Variants in CNTN4 observed in about 807,000 individuals in gnomAD.
CNTN4 encodes the protein contactin-4.
Under a neutral mutation model 122.5 loss-of-function variants are expected in CNTN4, and 77 were observed. The ratio of observed to expected loss-of-function variants is 0.63; its 90% CI spans 0.52 to 0.76. The LOEUF (loss-of-function observed/expected upper bound fraction) is 0.76, where lower values mean the gene tolerates loss of function less well. CNTN4 is among the 30% of genes least tolerant of loss of function. The pLI is 0.00. For missense variants in CNTN4, 1,256 were observed against 1,259.1 expected (o/e 1.00, Z 0.04); for synonymous variants, 512 against 447.0 (o/e 1.15, Z -1.83).
At chr3:2,882,942 T>C (rs17021682) in intron 8 of CNTN4, 3 of 519,468 alleles carry the variant, frequency 5.8e-6, no homozygotes, top group African/African-American at 1.9e-5. Context: ...ATGGTGTGGT[T>C]CTGCGACACA....
chr3:2,797,386 T>C (rs1473557818), intron 6 of CNTN4, among the ~76,000 whole-genome samples: 1 of 152,134 alleles, frequency 6.6e-6, no homozygotes, highest in Non-Finnish European at 1.5e-5. Flanking sequence ...ATTACCTAGG[T>C]CAGGAGTTCG....
rs1284677097 is a variant in CNTN4 at position 2,841,663 on chromosome 3, T to C, written c.454+22082T>C. Reference sequence around the variant, plus strand: ...TGTGGGTCAGAGGCTCTTTGTTATATGGTAGAAGTATAGTCCGTAAGGAAT... The same window carrying C: ...TGTGGGTCAGAGGCTCTTTGTTATACGGTAGAAGTATAGTCCGTAAGGAAT... On this transcript the variant is annotated intron_variant, in intron 7 of 24. Coordinates refer to ENST00000418658, the MANE Select transcript of CNTN4 (RefSeq NM_175607.3). The surrounding 1 kb of genome is among the most constrained non-coding windows in gnomAD (Gnocchi z 4.8). 6.6e-6 allele frequency among the ~76,000 whole-genome samples: 1 copy of C among 152,212 alleles called. No homozygotes were observed. The highest frequency in any genetic ancestry group is 1.5e-5 in the Non-Finnish European group (1 of 68,032).
At chr3:2,492,582 G>T (rs2076348474) in intron 3 of CNTN4, among the ~76,000 whole-genome samples, 1 of 152,140 alleles carries the variant, frequency 6.6e-6, no homozygotes, top group South Asian at 2.1e-4. Flanking sequence ...CAGATACGTA[G>T]GTGACCATGT....
intron 2 of CNTN4, among the ~76,000 whole-genome samples, chr3:2,118,955 T>A (rs1234817777): frequency 6.6e-6 from 1 of 152,224 alleles, no homozygotes; most frequent in Non-Finnish European, 1.5e-5. Context: ...CCAAGTGTAA[T>A]GGTTAATTTT....
At chr3:2,503,234 G>A (rs2076642556) in intron 3 of CNTN4, among the ~76,000 whole-genome samples, 1 of 152,054 alleles carries the variant, frequency 6.6e-6, no homozygotes. Flanking sequence ...TCTTCAAATA[G>A]TTATTACCAG....
chr3:2,540,484 A>AT (rs1198792388), intron 3 of CNTN4, among the ~76,000 whole-genome samples: 1 of 151,960 alleles, frequency 6.6e-6, no homozygotes, highest in Non-Finnish European at 1.5e-5. Flanking sequence ...GGGGAATATC[A>AT]TTTTTTTGGT....
intron 2 of CNTN4, among the ~76,000 whole-genome samples, chr3:2,157,314 G>A (rs2035764211): frequency 6.6e-6 from 1 of 152,132 alleles, no homozygotes; most frequent in South Asian, 2.1e-4. Context: ...TGAAAGTAGA[G>A]GGAGGAGGTG....
intron 2 of CNTN4, among the ~76,000 whole-genome samples, chr3:2,119,301 C>A (rs1260212615): frequency 6.6e-6 from 1 of 152,218 alleles, no homozygotes; most frequent in Non-Finnish European, 1.5e-5. Flanking sequence ...TTCTGTCTCT[C>A]TCTCCGTGTA....
rs186291150 is a variant in CNTN4, at chr3:2,367,199, A to C, written c.-89+27966A>C. Among the ~76,000 whole-genome samples the C allele has an allele frequency of 5.0e-3, 757 of 152,300 alleles. 10 individuals are homozygous for C. The highest frequency in any genetic ancestry group is 0.01 in the Middle Eastern group (3 of 294). ...AAAATTACAGAAAAAACACTAATCT[A>C]CAGAAGAAAAAAATGCTGGACCTCT... On this transcript the variant is annotated intron_variant, in intron 3 of 24. Coordinates refer to ENST00000418658, the MANE Select transcript of CNTN4 (RefSeq NM_175607.3).
At chr3:2,157,852 T>C (rs993615515) in intron 2 of CNTN4, among the ~76,000 whole-genome samples, 1 of 152,224 alleles carries the variant, frequency 6.6e-6, no homozygotes, top group Non-Finnish European at 1.5e-5. Flanking sequence ...CTTTCACACA[T>C]AGCTATCAAA....
intron 4 of CNTN4, among the ~76,000 whole-genome samples, chr3:2,685,073 CATATACATT>C (rs1460863310): frequency 3.9e-5 from 6 of 152,140 alleles, no homozygotes; most frequent in African/African-American, 1.4e-4. Flanking sequence ...CATGTGTATA[CATATACATT>C]AAGATCAGTA....
chr3:2,303,342 C>T (rs1054981887), intron 2 of CNTN4, among the ~76,000 whole-genome samples: 1 of 152,054 alleles, frequency 6.6e-6, no homozygotes. Context: ...CACCCCTGCC[C>T]CCCAAAATTG....
At chr3:2,930,805 A>AG (rs1237515222) in intron 13 of CNTN4, among the ~76,000 whole-genome samples, 1 of 152,128 alleles carries the variant, frequency 6.6e-6, no homozygotes, top group Non-Finnish European at 1.5e-5. Context: ...CTAGAGAGAG[A>AG]GAAAAAAAAG....
chr3:2,264,017 G>C (rs1317168565), intron 2 of CNTN4, among the ~76,000 whole-genome samples: 2 of 152,068 alleles, frequency 1.3e-5, no homozygotes, highest in Non-Finnish European at 2.9e-5. Flanking sequence ...TTCATTTCTT[G>C]ATGGACACAA....
intron 13 of CNTN4, among the ~76,000 whole-genome samples, chr3:2,935,350 A>T (rs564246524): frequency 1.3e-5 from 2 of 152,308 alleles, no homozygotes; most frequent in African/African-American, 4.8e-5. Context: ...TCAAAAAAAA[A>T]TCTTTTGAAG....
chr3:2,226,128 T>TA (rs543052258), intron 2 of CNTN4, among the ~76,000 whole-genome samples: 69 of 152,166 alleles, frequency 4.5e-4, no homozygotes, highest in African/African-American at 1.5e-3. Context: ...GGCACCCACG[T>TA]TTTGCTTTTT....
intron 3 of CNTN4, among the ~76,000 whole-genome samples, chr3:2,402,660 C>G (rs2046899941): frequency 6.6e-6 from 1 of 152,050 alleles, no homozygotes; most frequent in Non-Finnish European, 1.5e-5. Context: ...TTCCTTCTAT[C>G]TGTATTTTCG....
intron 2 of CNTN4, among the ~76,000 whole-genome samples, chr3:2,160,672 A>G (rs1393338270): frequency 6.6e-6 from 1 of 152,180 alleles, no homozygotes; most frequent in Non-Finnish European, 1.5e-5. Context: ...AGCTCTAGCA[A>G]TGTTTCCAAA....
chr3:2,708,472 T>C (rs959814723), intron 4 of CNTN4, among the ~76,000 whole-genome samples: 1 of 152,206 alleles, frequency 6.6e-6, no homozygotes, highest in African/African-American at 2.4e-5. Context: ...CTCTAGATTT[T>C]AGAGAATTAG....
Sources: allele counts gnomAD v4.1 joint callset (sites outside exome capture counted in the v4.1 genomes callset), GRCh38; gene constraint gnomAD v4.1.1; non-coding constraint Gnocchi (gnomAD v3.1); transcripts MANE v1.5; gene names NCBI Gene and HGNC (gene_info 2026-07-23, HGNC 2026-07-21).